The following SGCZ variants were observed in gnomAD, a reference collection of about 807,000 sequenced individuals.
SGCZ encodes zeta-sarcoglycan.
In SGCZ, 40 loss-of-function variants were observed where a neutral mutation model predicts 41.3. The ratio of observed to expected loss-of-function variants is 0.97; its 90% CI spans 0.75 to 1.26. The LOEUF is 1.26. SGCZ is among the 50% of genes most tolerant of loss of function. SGCZ has a pLI of 0.00. For missense variants in SGCZ, 552 were observed against 369.8 expected (o/e 1.49, Z -4.04); for synonymous variants, 206 against 137.5 (o/e 1.50, Z -3.49).
At chr8:15,037,062 T>G (rs1391298714) in intron 1 of SGCZ, among the ~76,000 whole-genome samples, 1 of 152,168 alleles carries the variant, frequency 6.6e-6, no homozygotes, top group African/African-American at 2.4e-5. Context: ...ATACAAACTC[T>G]TGATTAATTT....
At chr8:14,418,969 A>T (rs1799569340) in intron 2 of SGCZ, among the ~76,000 whole-genome samples, 1 of 151,950 alleles carries the variant, frequency 6.6e-6, no homozygotes, top group Non-Finnish European at 1.5e-5. Context: ...CTTCATGTTA[A>T]CTATCTACTA....
intron 3 of SGCZ, among the ~76,000 whole-genome samples, chr8:14,276,515 C>A (rs1374682254): frequency 6.6e-6 from 1 of 152,104 alleles, no homozygotes; most frequent in South Asian, 2.1e-4. Flanking sequence ...CAAATAGTAC[C>A]TCAACTGTTA....
intron 2 of SGCZ, among the ~76,000 whole-genome samples, chr8:14,327,554 T>C (rs574282425): frequency 8.5e-5 from 13 of 152,318 alleles, no homozygotes; most frequent in Middle Eastern, 6.8e-3. Flanking sequence ...CATTTCAATA[T>C]TAATACTAAA....
intron 1 of SGCZ, among the ~76,000 whole-genome samples, chr8:14,614,992 GTA>G (rs1378473477): frequency 1.6e-5 from 2 of 122,752 alleles, no homozygotes; most frequent in Admixed American, 8.7e-5. Flanking sequence ...ATATGTGTGT[GTA>G]TATATGTGTG....
At position 14,638,271 on chromosome 8, in the gene SGCZ, C is replaced by T. The variant is rs1196578592; in HGVS notation, c.40-83345G>A. Among the ~76,000 whole-genome samples the T allele has an allele frequency of 5.9e-5, 9 of 151,952 alleles. No homozygotes were observed. The East Asian group carries it at 1.6e-3, about 26-fold the overall frequency. On this transcript the variant is annotated intron_variant, in intron 1 of 7. Coordinates refer to ENST00000382080, the MANE Select transcript of SGCZ (RefSeq NM_139167.4). The stretch of plus-strand genomic sequence containing the variant: ...TTTCTTAGAGTCTACTCCGTTGCTT[C>T]ATCAGTCATTACAACTGCAGAGCAG...
intron 2 of SGCZ, among the ~76,000 whole-genome samples, chr8:14,388,894 A>T: frequency 6.6e-6 from 1 of 152,080 alleles, no homozygotes; most frequent in East Asian, 1.9e-4. Flanking sequence ...TTTGAAAAAC[A>T]AAGGAATTAG....
chr8:14,513,338 A>G (rs1802519571), intron 2 of SGCZ, among the ~76,000 whole-genome samples: 1 of 152,020 alleles, frequency 6.6e-6, no homozygotes, highest in African/African-American at 2.4e-5. Flanking sequence ...GTGCCAAACC[A>G]CTATTACCAG....
intron 1 of SGCZ, among the ~76,000 whole-genome samples, chr8:14,669,929 A>G (rs1808049593): frequency 6.6e-6 from 1 of 152,164 alleles, no homozygotes; most frequent in Admixed American, 6.5e-5. Context: ...ACTAACACTA[A>G]ATACAATGTC....
At chr8:14,432,012 CA>C (rs34736196) in intron 2 of SGCZ, among the ~76,000 whole-genome samples, 31,462 of 151,842 alleles carry the variant, frequency 0.21, 3,801 homozygotes, top group Non-Finnish European at 0.28. Flanking sequence ...GGCTATAATC[CA>C]AAAATTAAAA....
At chr8:14,620,578 CA>C (rs1271835935) in intron 1 of SGCZ, among the ~76,000 whole-genome samples, 1 of 102,194 alleles carries the variant, frequency 9.8e-6, no homozygotes, top group Admixed American at 1.2e-4. Flanking sequence ...ACGAAGAACT[CA>C]AAAAAATTTA....
intron 2 of SGCZ, among the ~76,000 whole-genome samples, chr8:14,525,287 C>T (rs975694157): frequency 6.6e-6 from 1 of 152,126 alleles, no homozygotes; most frequent in African/African-American, 2.4e-5. Context: ...TGCCTACTTT[C>T]CTTTGCTCCC....
rs1194719963 is a variant in SGCZ at position 14,492,406 on chromosome 8, T to C, written c.234+62326A>G. Among the ~76,000 whole-genome samples the C allele has an allele frequency of 2.0e-5, 3 of 152,166 alleles. No homozygotes were observed. The East Asian group carries it at 5.8e-4, about 29-fold the overall frequency. Reference sequence around the variant, plus strand: ...TACTGCACAGTGCTTATTATAACACTTAAACCTGGAAGAAAATCAGTAAAT... The same window carrying C: ...TACTGCACAGTGCTTATTATAACACCTAAACCTGGAAGAAAATCAGTAAAT... On this transcript the variant is annotated intron_variant, in intron 2 of 7. Transcript: ENST00000382080.
intron 1 of SGCZ, among the ~76,000 whole-genome samples, chr8:14,640,721 C>T (rs1212581537): frequency 1.3e-5 from 2 of 151,236 alleles, no homozygotes; most frequent in African/African-American, 4.8e-5. Flanking sequence ...GAAGAATTTC[C>T]TAAAGCTAAA....
intron 1 of SGCZ, among the ~76,000 whole-genome samples, chr8:15,192,598 C>A (rs970433609): frequency 5.3e-5 from 8 of 152,090 alleles, no homozygotes; most frequent in Non-Finnish European, 1.2e-4. Flanking sequence ...ACGACTAATC[C>A]AAAGTCTCTT....
At position 14,168,621 on chromosome 8, in the gene SGCZ, G is replaced by A. The variant is rs143800346; in HGVS notation, c.425-3919C>T. 3.0e-3 allele frequency among the ~76,000 whole-genome samples: 460 copies of A among 152,244 alleles called. 4 individuals carry two copies. The highest frequency in any genetic ancestry group is 0.02 in the Middle Eastern group (6 of 294). ...ATGACTGTGAGGCCTCCCCAGCCAC[G>A]TGGAACTGTGAGTCCATAAACCGCT... On this transcript the variant is annotated intron_variant, in intron 4 of 7. Coordinates refer to ENST00000382080, the MANE Select transcript of SGCZ (RefSeq NM_139167.4).
chr8:14,739,798 T>C (rs1253434172), intron 1 of SGCZ, among the ~76,000 whole-genome samples: 1 of 152,060 alleles, frequency 6.6e-6, no homozygotes, highest in Non-Finnish European at 1.5e-5. Flanking sequence ...ACTATGCATA[T>C]TCCAGAAGGA....
intron 2 of SGCZ, among the ~76,000 whole-genome samples, chr8:14,344,190 T>A (rs532536655): frequency 1.9e-4 from 29 of 152,048 alleles, no homozygotes; most frequent in Non-Finnish European, 3.7e-4. Flanking sequence ...AACAAGTGAA[T>A]AGGGGTACAG....
intron 1 of SGCZ, among the ~76,000 whole-genome samples, chr8:14,718,551 G>A (rs12680142): frequency 0.18 from 26,610 of 151,626 alleles, 2,821 homozygotes; most frequent in East Asian, 0.31. Context: ...AATGGCTGTG[G>A]ACGCAAACCC....
intron 2 of SGCZ, among the ~76,000 whole-genome samples, chr8:14,361,127 ATTGT>A (rs1803497750): frequency 6.6e-6 from 1 of 151,866 alleles, no homozygotes; most frequent in Non-Finnish European, 1.5e-5. Flanking sequence ...CGCTAATTGG[ATTGT>A]TTCTTTGTTA....
Sources: allele counts gnomAD v4.1 joint callset (sites outside exome capture counted in the v4.1 genomes callset), GRCh38; gene constraint gnomAD v4.1.1; transcripts MANE v1.5; gene names NCBI Gene and HGNC (gene_info 2026-07-23, HGNC 2026-07-21).